AGAP1: variants seen among roughly 807,000 people sequenced by gnomAD.
AGAP1 encodes ArfGAP with GTPase domain, ankyrin repeat and PH domain 1.
A neutral mutation model predicts 105.3 loss-of-function variants in AGAP1; 29 were observed. That is an observed-to-expected ratio of 0.28 (90% CI 0.21 to 0.38). AGAP1 has a LOEUF of 0.38. Among genes scored for constraint, AGAP1 ranks in the 10% least tolerant of loss-of-function variants. AGAP1 has a pLI of 1.00. For missense variants in AGAP1, 998 were observed against 1,165.1 expected (o/e 0.86, Z 2.09); for synonymous variants, 509 against 485.9 (o/e 1.05, Z -0.63).
In AGAP1 at chr2:235,828,454, T is replaced by C. The variant is rs548229914; in HGVS notation, c.1050+21123T>C. Reference sequence around the variant, plus strand: ...CAGAGAAGTTGAGCCACTTACTCAATGTCACTCAGCCTGGGAGTGGTAAAC... The same window carrying C: ...CAGAGAAGTTGAGCCACTTACTCAACGTCACTCAGCCTGGGAGTGGTAAAC... On this transcript the variant is annotated intron_variant, in intron 9 of 17. Coordinates refer to ENST00000304032, the MANE Select transcript of AGAP1 (RefSeq NM_001037131.3). Among the ~76,000 whole-genome samples the C allele has an allele frequency of 4.6e-5, 7 of 152,292 alleles. No individual in the cohort carries two copies. The East Asian group carries it at 1.2e-3, about 25-fold the overall frequency.
Position 235,750,380 on chromosome 2 carries a change from G to T in AGAP1, c.565G>T (p.Val189Phe). The T allele has an allele frequency of 1.2e-6, 2 of 1,614,166 alleles. No individual in the cohort carries two copies. Among genetic ancestry groups the T allele is most frequent in the Non-Finnish European group, 1.7e-6 (2 of 1,180,032 alleles). The change falls in exon 6 of 18, where the codon GTC becomes TTC. Residue 189 changes from valine (V) to phenylalanine (F), a missense_variant. By Grantham distance (50) the Val-to-Phe change is conservative (BLOSUM62 -1). This residue lies in a region of AGAP1 where 735 missense variants were observed against 833.4 expected (regional missense o/e 0.88). Transcript: ENST00000304032. This position sits in a 1 kb window ranked among gnomAD's most constrained non-coding sequence, Gnocchi z 5.3. ...QDAISSANPR[V>F]IDDARARKLS... ...TGCCATAAGTTCTGCTAACCCGAGGGTCATCGATGACGCCAGGGCGAGGAA... is the reference window on the plus strand; with the variant it reads ...TGCCATAAGTTCTGCTAACCCGAGGTTCATCGATGACGCCAGGGCGAGGAA...
intron 9 of AGAP1, among the ~76,000 whole-genome samples, chr2:235,827,360 G>A (rs868155517): frequency 8.5e-5 from 13 of 152,276 alleles, no homozygotes; most frequent in Middle Eastern, 3.4e-3. Flanking sequence ...CCTGACCCAC[G>A]TGGCTGAAGG....
rs1176735017 is a variant in AGAP1 at position 235,739,903 on chromosome 2, G to A, written c.311-1060G>A. ...GCTCTGGGCGGCAGTGGAGCTGGCA[G>A]GCAGCCTCTGGGCTCTGGCAGCATT... On this transcript the variant is annotated intron_variant, in intron 3 of 17. Coordinates refer to ENST00000304032, the MANE Select transcript of AGAP1 (RefSeq NM_001037131.3). This position sits in a 1 kb window ranked among gnomAD's most constrained non-coding sequence, Gnocchi z 5.3. Among the ~76,000 whole-genome samples, 3 of 152,256 alleles carry A rather than the reference G, an allele frequency of 2.0e-5. No individual in the cohort carries two copies. The highest frequency in any genetic ancestry group is 2.0e-4 in the Admixed American group (3 of 15,290).
intron 1 of AGAP1, among the ~76,000 whole-genome samples, chr2:235,697,606 T>G (rs116214571): frequency 2.2e-4 from 33 of 152,342 alleles, no homozygotes; most frequent in Admixed American, 8.5e-4. Flanking sequence ...TTTCTTAGTC[T>G]GCTCTTGTGG....
Position 235,712,001 on chromosome 2 carries a change from T to C in AGAP1, c.222+2764T>C, listed in dbSNP as rs2149523771. ...TTCGCTTTCTTCTCAAGAGTGGTAG[T>C]ACCATGCCTTATGTTTTATTTTCTT... On this transcript the variant is annotated intron_variant, in intron 2 of 17. Coordinates refer to ENST00000304032, the MANE Select transcript of AGAP1 (RefSeq NM_001037131.3). This position sits in a 1 kb window ranked among gnomAD's most constrained non-coding sequence, Gnocchi z 6.0. Among the ~76,000 whole-genome samples the C allele has an allele frequency of 6.6e-6, 1 of 152,284 alleles. No homozygotes were observed. Among genetic ancestry groups the C allele is most frequent in the African/African-American group, 2.4e-5 (1 of 41,564 alleles).
intron 1 of AGAP1, among the ~76,000 whole-genome samples, chr2:235,508,132 T>C (rs941448736): frequency 6.6e-6 from 1 of 152,216 alleles, no homozygotes; most frequent in African/African-American, 2.4e-5. Context: ...TTATTATGGC[T>C]GCATAGTACT....
rs201960563 is a variant in AGAP1 at position 235,717,518 on chromosome 2, G to A, written c.223-39G>A. The A allele has an allele frequency of 2.0e-4, 307 of 1,538,082 alleles. No individual in the cohort carries two copies. In the African/African-American group the frequency reaches 2.2e-3, roughly 11 times the overall value. On this transcript the variant is annotated intron_variant, in intron 2 of 17. Transcript: ENST00000304032. ...GTATTTGCAAAATGCCAAATAGAGT[G>A]ATTTGATGATGCTTAACGGTTGTCC...
chr2:235,805,831 C>T (rs1427794409), intron 8 of AGAP1, among the ~76,000 whole-genome samples: 2 of 152,208 alleles, frequency 1.3e-5, no homozygotes, highest in Non-Finnish European at 2.9e-5. Context: ...TCCCTGTCAT[C>T]TCATTCTAGG....
At chr2:236,024,815 G>A (rs1012483231) in intron 13 of AGAP1, among the ~76,000 whole-genome samples, 7 of 152,218 alleles carry the variant, frequency 4.6e-5, no homozygotes, top group Admixed American at 1.3e-4. Flanking sequence ...TATTAATGTC[G>A]TTTGGAATAA....
intron 16 of AGAP1, among the ~76,000 whole-genome samples, chr2:236,108,686 T>A (rs1400361344): frequency 6.6e-6 from 1 of 152,090 alleles, no homozygotes; most frequent in Non-Finnish European, 1.5e-5. Flanking sequence ...GAAGGGGTGT[T>A]GCTCAGTGTT....
chr2:236,099,584 G>T (rs537860501), intron 16 of AGAP1, among the ~76,000 whole-genome samples: 2 of 152,292 alleles, frequency 1.3e-5, no homozygotes, highest in South Asian at 2.1e-4. Context: ...CGTAACATCA[G>T]AATTGCCCTA....
chr2:235,915,238 C>A (rs1173639511), intron 11 of AGAP1, among the ~76,000 whole-genome samples: 1 of 152,100 alleles, frequency 6.6e-6, no homozygotes, highest in African/African-American at 2.4e-5. Flanking sequence ...TTGTGGGAAC[C>A]AACAGTAAAA....
rs2058766232 is a variant in AGAP1 at position 236,080,999 on chromosome 2, G to C, written c.2114+31718G>C. Among the ~76,000 whole-genome samples, 1 of 152,176 alleles carries C rather than the reference G, an allele frequency of 6.6e-6. No individual in the cohort carries two copies. The highest frequency in any genetic ancestry group is 1.5e-5 in the Non-Finnish European group (1 of 68,034). ...AAGGTCACATAGTCACAGGTCCTGG[G>C]GATTAGGACGTTGACATCTTTGGGA... On this transcript the variant is annotated intron_variant, in intron 16 of 17. Coordinates refer to ENST00000304032, the MANE Select transcript of AGAP1 (RefSeq NM_001037131.3). The surrounding 1 kb of genome is among the most constrained non-coding windows in gnomAD (Gnocchi z 4.2).
intron 10 of AGAP1, among the ~76,000 whole-genome samples, chr2:235,892,902 T>C (rs2050612546): frequency 6.6e-6 from 1 of 152,226 alleles, no homozygotes; most frequent in Non-Finnish European, 1.5e-5. Context: ...TTTTCAGATG[T>C]GAAGCTGGGA....
chr2:235,906,354 C>T lies in AGAP1; in HGVS notation c.1156-2384C>T, dbSNP rs76946741. On this transcript the variant is annotated intron_variant, in intron 10 of 17. Transcript: ENST00000304032. The surrounding 1 kb of genome is among the most constrained non-coding windows in gnomAD (Gnocchi z 5.3). The stretch of plus-strand genomic sequence containing the variant: ...ATCCTTTCTCCAGTGGTCTTCAGCC[C>T]ATTGTTCTTCCTCCTGGTTCTGACC... 2.9e-3 allele frequency among the ~76,000 whole-genome samples: 440 copies of T among 152,284 alleles called. 1 individual carries two copies. The highest frequency in any genetic ancestry group is 8.4e-3 in the African/African-American group (348 of 41,562).
At chr2:235,696,280 G>C (rs771418843) in intron 1 of AGAP1, among the ~76,000 whole-genome samples, 1 of 152,134 alleles carries the variant, frequency 6.6e-6, no homozygotes, top group African/African-American at 2.4e-5. Flanking sequence ...TCCTGACCTC[G>C]GGTGATCCAC....
intron 10 of AGAP1, among the ~76,000 whole-genome samples, chr2:235,898,175 G>T (rs961815923): frequency 2.6e-5 from 4 of 152,202 alleles, no homozygotes; most frequent in East Asian, 1.9e-4. Flanking sequence ...GTCCTGCCCC[G>T]CAGGGCACTT....
At chr2:235,607,081 C>T (rs1327494016) in intron 1 of AGAP1, among the ~76,000 whole-genome samples, 1 of 151,980 alleles carries the variant, frequency 6.6e-6, no homozygotes, top group Non-Finnish European at 1.5e-5. Flanking sequence ...TTGTTTACAT[C>T]CCACTGACAA....
intron 13 of AGAP1, among the ~76,000 whole-genome samples, chr2:235,986,575 T>C (rs573310438): frequency 1.3e-5 from 2 of 152,302 alleles, no homozygotes; most frequent in East Asian, 3.9e-4. Context: ...TGCTTCCAGC[T>C]TTTGCACATT....
Sources: gnomAD v4.1 joint callset for allele counts (sites outside exome capture counted in the v4.1 genomes callset) on GRCh38, gnomAD v4.1.1 for gene constraint, gnomAD v4.1.1 regional missense constraint, Gnocchi (gnomAD v3.1) non-coding constraint, MANE v1.5 for transcripts, NCBI Gene and HGNC (gene_info 2026-07-23, HGNC 2026-07-21) for gene names.